KCNIP4: variants seen among roughly 807,000 people sequenced by gnomAD.
The protein encoded by KCNIP4 is Kv channel-interacting protein 4.
A neutral mutation model predicts 34.0 loss-of-function variants in KCNIP4; 12 were observed. The observed-to-expected ratio is 0.35, with a 90% CI of 0.23 to 0.57. The LOEUF (loss-of-function observed/expected upper bound fraction) is 0.57. KCNIP4 is among the 20% of genes least tolerant of loss of function. The pLI, the probability that KCNIP4 is intolerant of heterozygous loss-of-function variation, is 0.83. For missense variants in KCNIP4, 238 were observed against 311.7 expected, an observed-to-expected ratio of 0.76 and a Z score of 1.78; for synonymous variants, 124 against 102.2, an observed-to-expected ratio of 1.21 and a Z score of -1.29.
At chr4:21,790,260 T>C (rs1720185851) in intron 1 of KCNIP4, among the ~76,000 whole-genome samples, 1 of 152,226 alleles carries the variant, frequency 6.6e-6, no homozygotes, top group South Asian at 2.1e-4. Context: ...TCAACAATCA[T>C]TCCCTGATAA....
chr4:21,613,394 A>G (rs7669729), intron 1 of KCNIP4: 74,678 of 151,900 alleles, frequency 0.49, 18,631 homozygotes, highest in East Asian at 0.73. Flanking sequence ...TACATGGAGA[A>G]AAACTAAGGC....
chr4:21,461,831 G>A (rs1228333408), intron 1 of KCNIP4, among the ~76,000 whole-genome samples: 1 of 151,918 alleles, frequency 6.6e-6, no homozygotes, highest in African/African-American at 2.4e-5. Context: ...CCATAAACTT[G>A]ATGACCTCAC....
chr4:20,870,431 G>A (rs1723325751), intron 2 of KCNIP4, among the ~76,000 whole-genome samples: 2 of 152,068 alleles, frequency 1.3e-5, no homozygotes. Context: ...TACAGCCTGT[G>A]CAACTGTGAG....
intron 1 of KCNIP4, among the ~76,000 whole-genome samples, chr4:21,221,609 TC>T (rs1269597761): frequency 6.6e-6 from 1 of 152,136 alleles, no homozygotes; most frequent in African/African-American, 2.4e-5. Flanking sequence ...ACCTGGTCTC[TC>T]CCTTGACATG....
intron 1 of KCNIP4, among the ~76,000 whole-genome samples, chr4:21,888,544 C>T (rs1433478366): frequency 2.0e-5 from 3 of 152,112 alleles, no homozygotes; most frequent in Non-Finnish European, 4.4e-5. Context: ...TTCAAAAAGA[C>T]TAGGACACAT....
chr4:20,799,928 C>T (rs1284690809), intron 3 of KCNIP4, among the ~76,000 whole-genome samples: 1 of 152,192 alleles, frequency 6.6e-6, no homozygotes, highest in Non-Finnish European at 1.5e-5. Flanking sequence ...GTTTAAGCTG[C>T]TAGAGTTTGT....
rs867868869 is a variant in KCNIP4 at position 21,603,609 on chromosome 4, G to A, written c.61+344962C>T. Among the ~76,000 whole-genome samples the A allele has an allele frequency of 3.7e-4, 56 of 152,058 alleles. 1 individual carries two copies. The highest frequency in any genetic ancestry group is 6.8e-3 in the Middle Eastern group (2 of 294). On this transcript the variant is annotated intron_variant, in intron 1 of 8. Transcript: ENST00000382152. The stretch of plus-strand genomic sequence containing the variant: ...ACCTTGCCGGCTAAGCTAAAATCAC[G>A]GGGTCCAACTTCTGTTATTTGGAAA...
At chr4:21,889,189 T>C (rs1208247906) in intron 1 of KCNIP4, among the ~76,000 whole-genome samples, 1 of 152,148 alleles carries the variant, frequency 6.6e-6, no homozygotes, top group Non-Finnish European at 1.5e-5. Context: ...GTGACACTTT[T>C]GCTTTTCCAT....
chr4:21,517,261 C>G (rs1398894957), intron 1 of KCNIP4, among the ~76,000 whole-genome samples: 1 of 152,056 alleles, frequency 6.6e-6, no homozygotes, highest in Non-Finnish European at 1.5e-5. Context: ...GATCCAGGAC[C>G]CCCTTCCTGT....
chr4:21,912,715 C>T (rs34309562), intron 1 of KCNIP4, among the ~76,000 whole-genome samples: 34,052 of 151,682 alleles, frequency 0.22, 4,697 homozygotes, highest in South Asian at 0.31. Flanking sequence ...AGGGCAAGGC[C>T]AGTGTGACTA....
At chr4:21,082,805 C>A (rs182555362) in intron 1 of KCNIP4, among the ~76,000 whole-genome samples, 2 of 151,852 alleles carry the variant, frequency 1.3e-5, no homozygotes, top group African/African-American at 4.8e-5. Context: ...GTACTTAATA[C>A]TTTTGAGGAA....
intron 7 of KCNIP4, 41 bp from the exon 8 acceptor site, chr4:20,732,109 C>A: frequency 7.3e-7 from 1 of 1,374,630 alleles, no homozygotes; most frequent in South Asian, 1.2e-5. Context: ...AGACTTATCC[C>A]TTAATACCCT....
chr4:21,398,585 A>G (rs1447306166), intron 1 of KCNIP4, among the ~76,000 whole-genome samples: 1 of 152,246 alleles, frequency 6.6e-6, no homozygotes, highest in African/African-American at 2.4e-5. Context: ...GTTTGCATAC[A>G]GAGTGAAATT....
At chr4:21,736,360 T>C (rs921220138) in intron 1 of KCNIP4, among the ~76,000 whole-genome samples, 4 of 152,280 alleles carry the variant, frequency 2.6e-5, no homozygotes, top group Admixed American at 2.6e-4. Context: ...CTCTGTACTG[T>C]AGAGAGATAG....
At chr4:21,419,915 T>C (rs1274976555) in intron 1 of KCNIP4, among the ~76,000 whole-genome samples, 5 of 152,024 alleles carry the variant, frequency 3.3e-5, no homozygotes, top group African/African-American at 1.2e-4. Context: ...ATAAAGGAGG[T>C]ATAATGCTGA....
intron 1 of KCNIP4, among the ~76,000 whole-genome samples, chr4:20,960,152 G>T (rs183101164): frequency 6.6e-6 from 1 of 152,296 alleles, no homozygotes; most frequent in Admixed American, 6.5e-5. Context: ...GAGCACATAT[G>T]ATAAAAGCAT....
intron 1 of KCNIP4, among the ~76,000 whole-genome samples, chr4:21,180,908 A>G (rs1178002491): frequency 6.6e-6 from 1 of 152,148 alleles, no homozygotes; most frequent in Admixed American, 6.6e-5. Flanking sequence ...TATGAAAAAA[A>G]TACTTAAAAG....
intron 1 of KCNIP4, among the ~76,000 whole-genome samples, chr4:21,000,250 G>A (rs1197096851): frequency 2.6e-5 from 4 of 152,024 alleles, no homozygotes; most frequent in Admixed American, 2.6e-4. Flanking sequence ...TCTCCTTCAT[G>A]ACTCCTCTAA....
chr4:21,045,515 C>A (rs1190869545), intron 1 of KCNIP4, among the ~76,000 whole-genome samples: 1 of 152,162 alleles, frequency 6.6e-6, no homozygotes, highest in African/African-American at 2.4e-5. Flanking sequence ...TATTCCCAAG[C>A]AAAACAGGTC....
Sources: gnomAD v4.1 joint callset for allele counts (sites outside exome capture counted in the v4.1 genomes callset) on GRCh38, gnomAD v4.1.1 for gene constraint, MANE v1.5 for transcripts, NCBI Gene and HGNC (gene_info 2026-07-23, HGNC 2026-07-21) for gene names.